The following HPS4 variants were observed in gnomAD, a reference collection of about 807,000 sequenced individuals.
HPS4 encodes BLOC-3 complex member HPS4.
HPS4 carries 44 observed loss-of-function variants against 70.3 expected under a neutral mutation model. The observed-to-expected ratio is 0.63, with a 90% CI of 0.49 to 0.80. The LOEUF is 0.80. Ranked by LOEUF, HPS4 falls within the 30% of genes least tolerant of loss-of-function variation. The probability of loss-of-function intolerance (pLI) is 0.00; values close to 1 mark genes in which losing one functional copy is unlikely to be tolerated. For missense variants in HPS4, 873 were observed against 884.4 expected (o/e 0.99, Z 0.16); for synonymous variants, 377 against 355.9 (o/e 1.06, Z -0.67).
chr22:26,466,069 T>A lies in HPS4; in HGVS notation c.706+157A>T, dbSNP rs778229498. The A allele has an allele frequency of 1.9e-6, 3 of 1,560,162 alleles. No homozygotes were observed. In the African/African-American group the frequency reaches 4.1e-5, roughly 21 times the overall value. On this transcript the variant is annotated intron_variant, in intron 9 of 13. Transcript: ENST00000398145. ...GCTTTACCATTAGGGTTCTGGTGGGTAACTCGATTCTTGAAGCTCCATAAC... is the reference window on the plus strand; with the variant it reads ...GCTTTACCATTAGGGTTCTGGTGGGAAACTCGATTCTTGAAGCTCCATAAC...
At chr22:26,455,623 C>T (rs920400381) in intron 13 of HPS4, among the ~76,000 whole-genome samples, 44 of 149,060 alleles carry the variant, frequency 3.0e-4, no homozygotes, top group Non-Finnish European at 5.6e-4. Flanking sequence ...AGGAGATATA[C>T]CTAATGCTAA....
At chr22:26,483,303 G>C (rs1012931028) in intron 1 of HPS4, among the ~76,000 whole-genome samples, 10 of 152,236 alleles carry the variant, frequency 6.6e-5, no homozygotes, top group Non-Finnish European at 7.3e-5. Context: ...AGGTCCAGAA[G>C]AGACCAATAA....
chr22:26,481,634 C>T, intron 2 of HPS4, 88 bp downstream of exon 2: 1 of 1,247,144 alleles, frequency 8.0e-7, no homozygotes, highest in Non-Finnish European at 1.2e-6. Context: ...ATAAAATTAA[C>T]ACAATCTGGC....
At chr22:26,463,373 CGGA>C (rs893128596) in intron 11 of HPS4, among the ~76,000 whole-genome samples, 14 of 152,164 alleles carry the variant, frequency 9.2e-5, no homozygotes, top group Non-Finnish European at 1.9e-4. Flanking sequence ...TGACACACTG[CGGA>C]GGAGTTTCCA....
chr22:26,483,839 C>T, upstream of HPS4: 1 of 1,291,264 alleles, frequency 7.7e-7, no homozygotes, highest in Non-Finnish European at 9.8e-7. Flanking sequence ...GGCAAGCCGG[C>T]GCGCGGCGAT....
At chr22:26,481,591 T>C in intron 2 of HPS4, 131 bp downstream of exon 2, 1 of 848,668 alleles carries the variant, frequency 1.2e-6, no homozygotes, top group Non-Finnish European at 2.0e-6. Flanking sequence ...ATTCAGCTGC[T>C]CTGAGGAAAA....
chr22:26,477,296 A>G (rs2090682001), intron 3 of HPS4, among the ~76,000 whole-genome samples, 160 bp from the exon 4 acceptor site: 1 of 152,224 alleles, frequency 6.6e-6, no homozygotes, highest in Admixed American at 6.5e-5. Context: ...AAAGGTTACA[A>G]CAAAGAAGAA....
At chr22:26,479,624 C>A (rs1006812071) in intron 2 of HPS4, 1 of 1,323,292 alleles carries the variant, frequency 7.6e-7, no homozygotes, top group Non-Finnish European at 9.6e-7. Context: ...AAACGAGGCG[C>A]CCACAATGAC....
intron 11 of HPS4, among the ~76,000 whole-genome samples, chr22:26,461,025 A>C (rs2087146370): frequency 1.3e-5 from 2 of 152,232 alleles, no homozygotes; most frequent in African/African-American, 4.8e-5. Context: ...CCAGCCACCG[A>C]TATATACTGC....
At chr22:26,470,671 G>A (rs752523754) in intron 7 of HPS4, 48 bp downstream of exon 7, 46 of 1,580,470 alleles carry the variant, frequency 2.9e-5, no homozygotes, top group Non-Finnish European at 3.9e-5. Flanking sequence ...ATGGTCAGTT[G>A]TGCAGCAAGG....
chr22:26,481,305 G>A (rs1046742526), intron 2 of HPS4, among the ~76,000 whole-genome samples: 1 of 152,284 alleles, frequency 6.6e-6, no homozygotes, highest in East Asian at 1.9e-4. Context: ...ATTTAGGGTT[G>A]AGAAGGGAAC....
rs1309932227 is a variant in HPS4 at position 26,463,803 on chromosome 22, C to A, written c.1713+114G>T. On this transcript the variant is annotated intron_variant, in intron 11 of 13. Coordinates refer to ENST00000398145, the MANE Select transcript of HPS4 (RefSeq NM_022081.6). ...CAAGAACGTCTTGCCCAGGGTCACACAACTGAGGGCTGAGCCTTTATCTCT... is the reference window on the plus strand; with the variant it reads ...CAAGAACGTCTTGCCCAGGGTCACAAAACTGAGGGCTGAGCCTTTATCTCT... The A allele has an allele frequency of 9.6e-6, 11 of 1,142,462 alleles. No homozygotes were observed. The Admixed American group carries it at 9.7e-5, about 10-fold the overall frequency. 70.8% of individuals were successfully genotyped at this position (1,142,462 alleles called of 1,614,324 possible).
intron 10 of HPS4, 143 bp from the exon 11 acceptor site, chr22:26,464,969 T>C (rs547844630): frequency 1.4e-4 from 98 of 710,052 alleles, no homozygotes; most frequent in Non-Finnish European, 2.1e-4. Flanking sequence ...CAGAGTTAAA[T>C]CACAAGAGTA....
At chr22:26,445,380 C>T (rs1312210441) in intron 3 of HPS4, among the ~76,000 whole-genome samples, 1 of 152,098 alleles carries the variant, frequency 6.6e-6, no homozygotes, top group East Asian at 1.9e-4. Flanking sequence ...CTTTGAGGCT[C>T]TTGTGTTTTG....
chr22:26,443,230 G>C (rs2084868927), downstream of HPS4: 1 of 1,601,004 alleles, frequency 6.2e-7, no homozygotes, highest in Non-Finnish European at 8.6e-7. Flanking sequence ...GCTGGAGTCG[G>C]CGAGAAGGGC....
rs2090017573 is a variant in HPS4, at chr22:26,472,803, T to C, written c.384+29A>G. The stretch of plus-strand genomic sequence containing the variant: ...TACCGGTTTTTATAAAGAGGCCCAA[T>C]GTAAGACTCCTCAACCCCATACTTG... On this transcript the variant is annotated intron_variant, in intron 5 of 13. Transcript: ENST00000398145. 7.9e-6 allele frequency: 12 copies of C among 1,527,972 alleles called. No homozygotes were observed. In the East Asian group the frequency reaches 1.8e-4, roughly 23 times the overall value. The allele number at this position is 1,527,972 out of a possible 1,614,324, so 94.7% of individuals were successfully genotyped here.
chr22:26,457,568 C>T (rs573855438), intron 13 of HPS4, among the ~76,000 whole-genome samples: 8 of 152,228 alleles, frequency 5.3e-5, no homozygotes, highest in African/African-American at 1.7e-4. Context: ...AGCAAGGAGA[C>T]GGAGCCACCG....
chr22:26,464,154 C>T lies in HPS4; in HGVS notation c.1476G>A (p.Glu492=). The T allele has an allele frequency of 1.2e-6, 2 of 1,614,286 alleles. No individual in the cohort carries two copies. Among genetic ancestry groups the T allele is most frequent in the East Asian group, 2.2e-5 (1 of 44,892 alleles). ...KLPTGEQGLD[E]DVDGVCESHA... is the part of the protein sequence containing the mutation. Reference sequence around the variant, plus strand: ...GGCTTTCACAGACCCCATCAACATCCTCATCCAGGCCTTGTTCCCCCGTGG... The same window carrying T: ...GGCTTTCACAGACCCCATCAACATCTTCATCCAGGCCTTGTTCCCCCGTGG... The change falls in exon 11 of 14, where the codon GAG becomes GAA. Residue 492 remains glutamate (E), a synonymous_variant. Coordinates refer to ENST00000398145, the MANE Select transcript of HPS4 (RefSeq NM_022081.6).
In HPS4 at chr22:26,470,775, C is replaced by G; in HGVS notation, c.540G>C (p.Leu180=). 2 of 1,614,210 alleles carry G rather than the reference C, an allele frequency of 1.2e-6. No homozygotes were observed. Among genetic ancestry groups the G allele is most frequent in the Non-Finnish European group, 1.7e-6 (2 of 1,180,038 alleles). ...TGTGAGGCGAGCGCTGGCAGGTCTG[C>G]AGAATGCGGGCTGCCTTCAGCAACA... ...PLLLLKAARI[L]QTCQRSPHIL... is the part of the protein sequence containing the mutation. The change falls in exon 7 of 14, where the codon CTG becomes CTC. Residue 180 remains leucine, a synonymous_variant. Transcript: ENST00000398145.
Sources: gnomAD v4.1 joint callset for allele counts (sites outside exome capture counted in the v4.1 genomes callset) on GRCh38, gnomAD v4.1.1 for gene constraint, MANE v1.5 for transcripts, NCBI Gene and HGNC (gene_info 2026-07-23, HGNC 2026-07-21) for gene names.